The following NKAIN3 variants were observed in gnomAD, a reference collection of about 807,000 sequenced individuals.
NKAIN3 encodes the protein sodium/potassium transporting ATPase interacting 3.
A neutral mutation model predicts 30.2 loss-of-function variants in NKAIN3; 25 were observed. The ratio of observed to expected loss-of-function variants is 0.83; its 90% CI spans 0.60 to 1.16. NKAIN3 has a LOEUF of 1.16. Ranked by LOEUF, NKAIN3 falls within the 50% of genes most tolerant of loss-of-function variation. The pLI, the probability that NKAIN3 is intolerant of heterozygous loss-of-function variation, is 0.00. For synonymous variants in NKAIN3, 91 were observed against 89.6 expected (o/e 1.02, Z -0.09); for missense variants, 225 against 254.1 (o/e 0.89, Z 0.78).
chr8:62,552,819 G>C (rs886126860), intron 1 of NKAIN3, among the ~76,000 whole-genome samples: 3 of 152,186 alleles, frequency 2.0e-5, no homozygotes, highest in Non-Finnish European at 4.4e-5. Flanking sequence ...ACAATCACTA[G>C]AAGGTGATTC....
chr8:62,919,991 G>A (rs1011731884), intron 5 of NKAIN3, among the ~76,000 whole-genome samples: 1 of 147,722 alleles, frequency 6.8e-6, no homozygotes, highest in Non-Finnish European at 1.5e-5. Flanking sequence ...TTTTCATTTT[G>A]AGGTTAACTT....
intron 3 of NKAIN3, among the ~76,000 whole-genome samples, chr8:62,713,265 C>A (rs1228430816): frequency 6.6e-6 from 1 of 152,170 alleles, no homozygotes; most frequent in Non-Finnish European, 1.5e-5. Flanking sequence ...ACTCTCATAG[C>A]ATATGACAAA....
At chr8:62,870,691 C>CTCTA (rs1820608128) in intron 4 of NKAIN3, among the ~76,000 whole-genome samples, 1 of 116,542 alleles carries the variant, frequency 8.6e-6, no homozygotes, top group African/African-American at 3.6e-5. Flanking sequence ...CTATATCTCT[C>CTCTA]TATCTATATA....
chr8:62,687,738 T>A (rs550421929), intron 3 of NKAIN3, among the ~76,000 whole-genome samples: 76 of 152,348 alleles, frequency 5.0e-4, no homozygotes, highest in Non-Finnish European at 9.7e-4. Flanking sequence ...ATTATCGTTT[T>A]CAAATTTGTC....
chr8:62,699,004 T>C (rs1814249687), intron 3 of NKAIN3, among the ~76,000 whole-genome samples: 1 of 152,206 alleles, frequency 6.6e-6, no homozygotes. Flanking sequence ...CCTGGACAAT[T>C]ATTTCTTTAG....
intron 4 of NKAIN3, among the ~76,000 whole-genome samples, chr8:62,849,073 G>A (rs1819780080): frequency 1.3e-5 from 2 of 152,026 alleles, no homozygotes; most frequent in South Asian, 4.1e-4. Flanking sequence ...CCAGTGTTTT[G>A]TTGAGGATTT....
chr8:62,880,768 T>C (rs1820952183), intron 4 of NKAIN3, among the ~76,000 whole-genome samples: 2 of 152,196 alleles, frequency 1.3e-5, no homozygotes, highest in African/African-American at 2.4e-5. Flanking sequence ...TTTATCCTAC[T>C]TGTCAACTAT....
rs1325048969 is a variant in NKAIN3 at position 62,345,438 on chromosome 8, TATATATACACAC to T, written c.54+96316_54+96327del. Among the ~76,000 whole-genome samples the T allele has an allele frequency of 1.1e-3, 156 of 135,848 alleles. 9 individuals are homozygous for T. The highest frequency in any genetic ancestry group is 4.1e-3 in the African/African-American group (130 of 31,908). The allele number at this position is 135,848 out of a possible 152,430, so 89.1% of individuals were successfully genotyped here. On this transcript the variant is annotated intron_variant, in intron 1 of 6. Coordinates refer to ENST00000623646, the MANE Select transcript of NKAIN3 (RefSeq NM_001304533.3). ...ATATACACATATATACACATATATGTATATATACACACATATGTATATATACACATATATACA... is the reference window on the plus strand; with the variant it reads ...ATATACACATATATACACATATATGTATATGTATATATACACATATATACA...
chr8:62,438,951 A>G (rs537289503), intron 1 of NKAIN3, among the ~76,000 whole-genome samples: 1 of 152,168 alleles, frequency 6.6e-6, no homozygotes, highest in Non-Finnish European at 1.5e-5. Flanking sequence ...TGCAGGAGCA[A>G]TGCTGGTGTT....
chr8:62,649,837 G>T (rs1048262755), intron 3 of NKAIN3, among the ~76,000 whole-genome samples: 3 of 152,136 alleles, frequency 2.0e-5, no homozygotes, highest in Non-Finnish European at 4.4e-5. Context: ...GGCAGGGGCT[G>T]GGGGAAGGTT....
chr8:62,449,087 T>A (rs538057037), intron 1 of NKAIN3, among the ~76,000 whole-genome samples: 1 of 152,110 alleles, frequency 6.6e-6, no homozygotes, highest in South Asian at 2.1e-4. Flanking sequence ...ACTAAGTGTT[T>A]AAAATGCACC....
chr8:62,479,587 A>G (rs1443109154), intron 1 of NKAIN3, among the ~76,000 whole-genome samples: 1 of 152,094 alleles, frequency 6.6e-6, no homozygotes, highest in East Asian at 1.9e-4. Context: ...AAAATAAAAG[A>G]TCAGTTTTGG....
intron 1 of NKAIN3, among the ~76,000 whole-genome samples, chr8:62,357,784 A>T (rs1816407207): frequency 6.6e-6 from 1 of 152,166 alleles, no homozygotes; most frequent in African/African-American, 2.4e-5. Context: ...TTGCAAGAAA[A>T]AGAGAGATAT....
intron 1 of NKAIN3, among the ~76,000 whole-genome samples, chr8:62,394,868 G>C (rs1817691096): frequency 6.6e-6 from 1 of 150,460 alleles, no homozygotes; most frequent in Non-Finnish European, 1.5e-5. Context: ...ACGGTGGGGC[G>C]GCCGGGGGAG....
chr8:62,945,454 CTTTG>C (rs763389256), intron 5 of NKAIN3, among the ~76,000 whole-genome samples: 2 of 152,148 alleles, frequency 1.3e-5, no homozygotes, highest in East Asian at 1.9e-4. Flanking sequence ...AAAACTATCA[CTTTG>C]TTTGGTGACC....
chr8:62,795,404 T>G (rs942395866), intron 4 of NKAIN3, among the ~76,000 whole-genome samples: 1 of 152,154 alleles, frequency 6.6e-6, no homozygotes, highest in Non-Finnish European at 1.5e-5. Flanking sequence ...ACAAGCCCCT[T>G]GGGTGCCTAT....
chr8:62,838,898 T>C (rs963057092), intron 4 of NKAIN3, among the ~76,000 whole-genome samples: 1 of 152,234 alleles, frequency 6.6e-6, no homozygotes, highest in Non-Finnish European at 1.5e-5. Context: ...TTTTATTAAC[T>C]TTTAGCTTTG....
Position 62,972,929 on chromosome 8 carries a change from G to GT in NKAIN3, c.*7528dup, listed in dbSNP as rs1563650932. Reference sequence around the variant, plus strand: ...TTAAGAGTAAGAATATGCAGTGTTTGTTTTTTGTTCCTGTGTTAGTTTGCT... The same window carrying GT: ...TTAAGAGTAAGAATATGCAGTGTTTGTTTTTTTGTTCCTGTGTTAGTTTGCT... On this transcript the variant is annotated 3_prime_UTR_variant, in exon 7 of 7. Coordinates refer to ENST00000623646, the MANE Select transcript of NKAIN3 (RefSeq NM_001304533.3). Among the ~76,000 whole-genome samples, 1 of 141,546 alleles carries GT rather than the reference G, an allele frequency of 7.1e-6. No homozygotes were observed. The highest frequency in any genetic ancestry group is 1.6e-5 in the Non-Finnish European group (1 of 64,454). The allele number at this position is 141,546 out of a possible 152,430, so 92.9% of individuals were successfully genotyped here.
intron 1 of NKAIN3, among the ~76,000 whole-genome samples, chr8:62,278,390 T>A (rs2129395358): frequency 6.6e-6 from 1 of 152,234 alleles, no homozygotes; most frequent in East Asian, 1.9e-4. Flanking sequence ...TGGTTTTTTT[T>A]TTTTATACTT....
Sources: gnomAD v4.1 joint callset for allele counts (sites outside exome capture counted in the v4.1 genomes callset) on GRCh38, gnomAD v4.1.1 for gene constraint, MANE v1.5 for transcripts, NCBI Gene and HGNC (gene_info 2026-07-23, HGNC 2026-07-21) for gene names.